CDH13: variants seen among roughly 807,000 people sequenced by gnomAD.
CDH13 encodes cadherin 13.
Under a neutral mutation model 63.8 loss-of-function variants are expected in CDH13, and 24 were observed. The observed-to-expected ratio is 0.38, with a 90% CI of 0.27 to 0.53. CDH13 has a LOEUF of 0.53. Among genes scored for constraint, CDH13 ranks in the 20% least tolerant of loss-of-function variants. The probability of loss-of-function intolerance (pLI) is 0.85; values close to 1 mark genes in which losing one functional copy is unlikely to be tolerated. For synonymous variants in CDH13, 503 were observed against 355.3 expected (o/e 1.42, Z -4.67); for missense variants, 1,049 against 903.1 (o/e 1.16, Z -2.07).
chr16:82,686,162 G>A (rs1401367073), intron 1 of CDH13, among the ~76,000 whole-genome samples: 1 of 152,172 alleles, frequency 6.6e-6, no homozygotes, highest in Non-Finnish European at 1.5e-5. Flanking sequence ...CATTTGCAGA[G>A]AACATGTGTT....
intron 3 of CDH13, among the ~76,000 whole-genome samples, chr16:83,113,230 A>G (rs1009611454): frequency 6.6e-6 from 1 of 152,264 alleles, no homozygotes; most frequent in Non-Finnish European, 1.5e-5. Flanking sequence ...AAAGAATCCA[A>G]CTGAGAGTGG....
intron 2 of CDH13, among the ~76,000 whole-genome samples, chr16:82,998,266 C>T (rs1160838415): frequency 6.6e-6 from 1 of 152,154 alleles, no homozygotes; most frequent in Admixed American, 6.5e-5. Context: ...TTAATAACAT[C>T]TTGTGTCTTA....
chr16:83,503,510 C>G (rs1382931454), intron 7 of CDH13, among the ~76,000 whole-genome samples: 1 of 152,040 alleles, frequency 6.6e-6, no homozygotes, highest in African/African-American at 2.4e-5. Flanking sequence ...GGAAAGGAGA[C>G]ATAGCTAGGG....
rs117438559 is a variant in CDH13 at position 83,166,167 on chromosome 16, A to G, written c.483+40666A>G. On this transcript the variant is annotated intron_variant, in intron 4 of 13. Transcript: ENST00000567109. The stretch of plus-strand genomic sequence containing the variant: ...GCAAGAAAGGGTATCCAGCAAATCA[A>G]TTTGCAATAGCTGATCCCTGTCATT... 2.3e-3 allele frequency among the ~76,000 whole-genome samples: 345 copies of G among 152,222 alleles called. 3 individuals are homozygous for G. The highest frequency in any genetic ancestry group is 3.8e-3 in the Non-Finnish European group (261 of 68,004).
Position 83,764,324 on chromosome 16 carries a change from A to C in CDH13, c.1682-15644A>C, listed in dbSNP as rs1400709057. Among the ~76,000 whole-genome samples, 5 of 152,210 alleles carry C rather than the reference A, an allele frequency of 3.3e-5. No individual in the cohort carries two copies. The South Asian group carries it at 1.0e-3, about 31-fold the overall frequency. ...TGTCCTTGGACGTTGGCATCAATTC[A>C]TGGAGCTTGTCTCTGGCTGAATGGG... is the stretch of plus-strand genomic sequence containing the variant. On this transcript the variant is annotated intron_variant, in intron 11 of 13. Coordinates refer to ENST00000567109, the MANE Select transcript of CDH13 (RefSeq NM_001257.5).
chr16:82,780,156 G>C lies in CDH13; in HGVS notation c.46-78206G>C, dbSNP rs1481826723. Reference sequence around the variant, plus strand: ...CTGCTCCCTTGTTGCTTGTAGGAATGGGGGTGGGGAAAGGTCAGGACTATA... The same window carrying C: ...CTGCTCCCTTGTTGCTTGTAGGAATCGGGGTGGGGAAAGGTCAGGACTATA... On this transcript the variant is annotated intron_variant, in intron 1 of 13. Coordinates refer to ENST00000567109, the MANE Select transcript of CDH13 (RefSeq NM_001257.5). 2.6e-5 allele frequency among the ~76,000 whole-genome samples: 4 copies of C among 152,190 alleles called. No homozygotes were observed. The South Asian group carries it at 8.3e-4, about 32-fold the overall frequency.
intron 1 of CDH13, among the ~76,000 whole-genome samples, chr16:82,815,587 ATGG>A (rs1172585829): frequency 1.4e-4 from 21 of 152,162 alleles, no homozygotes; most frequent in African/African-American, 4.8e-4. Context: ...GGCAATTCCC[ATGG>A]GAATAGTGAT....
Position 83,748,207 on chromosome 16 carries a change from C to G in CDH13, c.1638C>G (p.Val546=), listed in dbSNP as rs188491777. The G allele has an allele frequency of 6.2e-7, 1 of 1,613,788 alleles. No homozygotes were observed. The highest frequency in any genetic ancestry group is 8.5e-7 in the Non-Finnish European group (1 of 1,179,780). The change falls in exon 11 of 14, where the codon GTC becomes GTG. Residue 546 remains valine (V), a synonymous_variant. Coordinates refer to ENST00000567109, the MANE Select transcript of CDH13 (RefSeq NM_001257.5). Reference sequence around the variant, plus strand: ...TGCTGGACCGTGAGTCCCCATTTGTCGACAACAGCGTGTACACTGCTCTCT... The same window carrying G: ...TGCTGGACCGTGAGTCCCCATTTGTGGACAACAGCGTGTACACTGCTCTCT... The part of the protein sequence containing the change: ...TAVLDRESPF[V]DNSVYTALFL...
chr16:83,176,101 C>T (rs8060220), intron 4 of CDH13, among the ~76,000 whole-genome samples: 61,072 of 151,384 alleles, frequency 0.4, 13,424 homozygotes, highest in African/African-American at 0.56. Flanking sequence ...CCACTTGCCT[C>T]GGTCTCCCAG....
At chr16:82,674,782 T>C (rs1046912761) in intron 1 of CDH13, among the ~76,000 whole-genome samples, 5 of 152,192 alleles carry the variant, frequency 3.3e-5, no homozygotes, top group Non-Finnish European at 7.3e-5. Flanking sequence ...GGAACTAAAT[T>C]ATTTATAATT....
At position 83,093,421 on chromosome 16, in the gene CDH13, C is replaced by T. The variant is rs556441517; in HGVS notation, c.367-31964C>T. ...GCAACCTCCACCTCCCGGGTTCAAGCGATTCTCCTGCCTCAGCCTACTGAG... is the reference window on the plus strand; with the variant it reads ...GCAACCTCCACCTCCCGGGTTCAAGTGATTCTCCTGCCTCAGCCTACTGAG... On this transcript the variant is annotated intron_variant, in intron 3 of 13. Transcript: ENST00000567109. Among the ~76,000 whole-genome samples, 203 of 142,704 alleles carry T rather than the reference C, an allele frequency of 1.4e-3. 1 individual carries two copies. Among genetic ancestry groups the T allele is most frequent in the South Asian group, 0.01 (45 of 4,294 alleles). 93.6% of individuals were successfully genotyped at this position (142,704 alleles called of 152,430 possible).
chr16:83,632,885 G>C (rs540437311), intron 8 of CDH13, among the ~76,000 whole-genome samples: 1 of 151,402 alleles, frequency 6.6e-6, no homozygotes, highest in Non-Finnish European at 1.5e-5. Flanking sequence ...TGGGTTTTCC[G>C]GGAAAGGGGT....
intron 5 of CDH13, among the ~76,000 whole-genome samples, chr16:83,266,344 C>A (rs8059546): frequency 2.6e-4 from 39 of 152,164 alleles, no homozygotes; most frequent in Middle Eastern, 6.8e-3. Flanking sequence ...ACCATAGCTC[C>A]TTCCATGGAT....
chr16:83,550,339 A>C (rs1290948268), intron 7 of CDH13, among the ~76,000 whole-genome samples: 2 of 152,244 alleles, frequency 1.3e-5, no homozygotes, highest in African/African-American at 4.8e-5. Flanking sequence ...AGTTGTCAAC[A>C]CGTCTGGCAA....
In CDH13 at chr16:83,800,293, C is replaced by G. The variant is rs1001119481; in HGVS notation, c.*5263C>G. ...GCTTTTTCTTTAGAGAGTACTAAAG[C>G]CATTCTATATCTGTCGTACACATGA... On this transcript the variant is annotated 3_prime_UTR_variant, in exon 14 of 14. Coordinates refer to ENST00000567109, the MANE Select transcript of CDH13 (RefSeq NM_001257.5). 1 of 152,086 alleles carries G rather than the reference C, an allele frequency of 6.6e-6. No individual in the cohort carries two copies. Among genetic ancestry groups the G allele is most frequent in the African/African-American group, 2.4e-5 (1 of 41,404 alleles). The allele number at this position is 152,086 out of a possible 1,614,324, so 9.4% of individuals were successfully genotyped here.
chr16:83,253,864 A>G (rs1279257181), intron 5 of CDH13, among the ~76,000 whole-genome samples: 1 of 152,218 alleles, frequency 6.6e-6, no homozygotes, highest in Non-Finnish European at 1.5e-5. Flanking sequence ...GGGGGCATTC[A>G]GTACTTTCTA....
Position 83,181,290 on chromosome 16 carries a change from C to T in CDH13, c.484-36055C>T, listed in dbSNP as rs537846983. ...CCCAACTTGACTAGGGGAGTTTGTTCACAGAATCAAGCGAATTCCCATCCT... is the reference window on the plus strand; with the variant it reads ...CCCAACTTGACTAGGGGAGTTTGTTTACAGAATCAAGCGAATTCCCATCCT... On this transcript the variant is annotated intron_variant, in intron 4 of 13. Coordinates refer to ENST00000567109, the MANE Select transcript of CDH13 (RefSeq NM_001257.5). Among the ~76,000 whole-genome samples the T allele has an allele frequency of 1.5e-4, 23 of 152,262 alleles. No homozygotes were observed. The South Asian group carries it at 4.4e-3, about 29-fold the overall frequency.
chr16:83,141,509 G>C (rs1012350088), intron 4 of CDH13, among the ~76,000 whole-genome samples: 1 of 152,092 alleles, frequency 6.6e-6, no homozygotes, highest in South Asian at 2.1e-4. Context: ...TTGTTTGTTT[G>C]TTTGTTTTTA....
At chr16:83,366,936 C>G (rs1425795143) in intron 6 of CDH13, among the ~76,000 whole-genome samples, 1 of 151,778 alleles carries the variant, frequency 6.6e-6, no homozygotes. Flanking sequence ...TTTTTTTCTC[C>G]TTCTTTGTTT....
Sources: allele counts gnomAD v4.1 joint callset (sites outside exome capture counted in the v4.1 genomes callset), GRCh38; gene constraint gnomAD v4.1.1; transcripts MANE v1.5; gene names NCBI Gene and HGNC (gene_info 2026-07-23, HGNC 2026-07-21).